MGMT: variants seen among roughly 807,000 people sequenced by gnomAD.
The protein encoded by MGMT is methylated-DNA--protein-cysteine methyltransferase.
A neutral mutation model predicts 15.9 loss-of-function variants in MGMT; 14 were observed. The ratio of observed to expected loss-of-function variants is 0.88; its 90% CI spans 0.58 to 1.37. The LOEUF (loss-of-function observed/expected upper bound fraction) is 1.37, where lower values mean the gene tolerates loss of function less well. MGMT is among the 40% of genes most tolerant of loss of function. MGMT has a pLI of 0.00. For synonymous variants in MGMT, 130 were observed against 118.2 expected, an observed-to-expected ratio of 1.10 and a Z score of -0.65; for missense variants, 282 against 268.1, an observed-to-expected ratio of 1.05 and a Z score of -0.36.
At position 129,770,804 on chromosome 10, in the gene MGMT, CCT is replaced by C. The variant is rs1166388127; in HGVS notation, c.*3808_*3809del. Reference sequence around the variant, plus strand: ...GCTGCTGGGATGTCCTCGGGCCTCCCCTGTTTGTCTGCATGTCTTCTTGTTGC... The same window carrying C: ...GCTGCTGGGATGTCCTCGGGCCTCCCGTTTGTCTGCATGTCTTCTTGTTGC... On this transcript the variant is annotated 3_prime_UTR_variant, in exon 5 of 5. Coordinates refer to ENST00000651593, the MANE Select transcript of MGMT (RefSeq NM_002412.5). 1.3e-5 allele frequency among the ~76,000 whole-genome samples: 2 copies of C among 152,116 alleles called. No homozygotes were observed. Among genetic ancestry groups the C allele is most frequent in the Non-Finnish European group, 2.9e-5 (2 of 68,032 alleles).
intron 2 of MGMT, among the ~76,000 whole-genome samples, chr10:129,655,232 C>T (rs779649376): frequency 2.0e-5 from 3 of 152,224 alleles, no homozygotes; most frequent in East Asian, 3.9e-4. Flanking sequence ...TGCGCACTGC[C>T]GTGGTTTCCT....
intron 2 of MGMT, among the ~76,000 whole-genome samples, chr10:129,671,430 CT>C (rs34055523): frequency 0.19 from 27,639 of 146,930 alleles, 2,704 homozygotes; most frequent in Admixed American, 0.24. Flanking sequence ...GGCTGGACAT[CT>C]TTTTTTTTTT....
chr10:129,703,707 T>A (rs1848125473), intron 2 of MGMT, among the ~76,000 whole-genome samples: 1 of 152,106 alleles, frequency 6.6e-6, no homozygotes. Context: ...GCCCAAATCC[T>A]GCAGCCCCAG....
At chr10:129,492,077 C>T (rs987854299) in intron 1 of MGMT, among the ~76,000 whole-genome samples, 3 of 152,116 alleles carry the variant, frequency 2.0e-5, no homozygotes, top group Admixed American at 2.0e-4. Flanking sequence ...TGTTTTTCAT[C>T]AAAGCAAAAG....
chr10:129,527,356 C>T (rs1005322813), intron 1 of MGMT, among the ~76,000 whole-genome samples: 3 of 152,188 alleles, frequency 2.0e-5, no homozygotes, highest in Non-Finnish European at 4.4e-5. Context: ...GGGTCTTCCA[C>T]GTCGCTGTTT....
At chr10:129,732,113 A>G (rs986736910) in intron 3 of MGMT, among the ~76,000 whole-genome samples, 2 of 152,066 alleles carry the variant, frequency 1.3e-5, no homozygotes, top group African/African-American at 2.4e-5. Flanking sequence ...TTACTCTAAA[A>G]TATTACTCAC....
chr10:129,596,374 A>G (rs1846751468), intron 2 of MGMT, among the ~76,000 whole-genome samples: 2 of 152,212 alleles, frequency 1.3e-5, no homozygotes, highest in Admixed American at 1.3e-4. Context: ...TTGTTTATAA[A>G]TACAGTGAAA....
At chr10:129,608,257 C>T (rs1846916246) in intron 2 of MGMT, among the ~76,000 whole-genome samples, 1 of 152,192 alleles carries the variant, frequency 6.6e-6, no homozygotes, top group Non-Finnish European at 1.5e-5. Context: ...CAGAAGAATG[C>T]GTAGCCCGGA....
intron 2 of MGMT, among the ~76,000 whole-genome samples, chr10:129,544,045 C>G (rs544538716): frequency 1.9e-4 from 16 of 82,400 alleles, no homozygotes; most frequent in African/African-American, 8.4e-4. Context: ...CCTTAAATCC[C>G]CTGCTCTTAA....
At chr10:129,515,333 A>T (rs1845727137) in intron 1 of MGMT, among the ~76,000 whole-genome samples, 1 of 151,940 alleles carries the variant, frequency 6.6e-6, no homozygotes, top group African/African-American at 2.4e-5. Flanking sequence ...CACAGGGCGG[A>T]GTGTGGGGTT....
At position 129,724,288 on chromosome 10, in the gene MGMT, A is replaced by G. The variant is rs116109995; in HGVS notation, c.274+16245A>G. ...ATGCTGAGCTTAAGGAGCCGGACACAGCAAGAGCCTGCCTCTGATTATATT... is the reference window on the plus strand; with the variant it reads ...ATGCTGAGCTTAAGGAGCCGGACACGGCAAGAGCCTGCCTCTGATTATATT... On this transcript the variant is annotated intron_variant, in intron 3 of 4. Transcript: ENST00000651593. Among the ~76,000 whole-genome samples the G allele has an allele frequency of 6.4e-3, 968 of 152,330 alleles. 7 individuals carry two copies. The highest frequency in any genetic ancestry group is 0.023 in the African/African-American group (937 of 41,566).
At chr10:129,752,298 T>TC (rs1362597363) in intron 3 of MGMT, among the ~76,000 whole-genome samples, 1 of 151,820 alleles carries the variant, frequency 6.6e-6, no homozygotes, top group Non-Finnish European at 1.5e-5. Context: ...TTTTATTAAT[T>TC]TTTTTTTACA....
At chr10:129,652,243 A>T (rs954248106) in intron 2 of MGMT, among the ~76,000 whole-genome samples, 3 of 152,232 alleles carry the variant, frequency 2.0e-5, no homozygotes, top group African/African-American at 7.2e-5. Context: ...CTCCTCTCCC[A>T]GCCAGGCTTC....
chr10:129,683,210 CTG>C lies in MGMT; in HGVS notation c.126-24682_126-24681del, dbSNP rs199562931. ...GCAGGGAATGGCGTTGGCTTTGCTGCTGTGAGTCTTGGAAAACCCATTTCCAG... is the reference window on the plus strand; with the variant it reads ...GCAGGGAATGGCGTTGGCTTTGCTGCTGAGTCTTGGAAAACCCATTTCCAG... On this transcript the variant is annotated intron_variant, in intron 2 of 4. Coordinates refer to ENST00000651593, the MANE Select transcript of MGMT (RefSeq NM_002412.5). Among the ~76,000 whole-genome samples, 709 of 152,338 alleles carry C rather than the reference CTG, an allele frequency of 4.7e-3. 4 individuals are homozygous for C. Among genetic ancestry groups the C allele is most frequent in the African/African-American group, 0.016 (649 of 41,576 alleles).
chr10:129,533,011 C>G lies in MGMT; in HGVS notation c.-12-3230C>G, dbSNP rs1323399565. Among the ~76,000 whole-genome samples the G allele has an allele frequency of 6.6e-6, 1 of 152,232 alleles. No homozygotes were observed. Among genetic ancestry groups the G allele is most frequent in the Non-Finnish European group, 1.5e-5 (1 of 68,038 alleles). On this transcript the variant is annotated intron_variant, in intron 1 of 4. Transcript: ENST00000651593. This position sits in a 1 kb window ranked among gnomAD's most constrained non-coding sequence, Gnocchi z 4.5. ...AGGCGTCAGCACCAGGGCTGGGCTCCTGCCTGGGACTCGAATCGGGAGCAG... is the reference window on the plus strand; with the variant it reads ...AGGCGTCAGCACCAGGGCTGGGCTCGTGCCTGGGACTCGAATCGGGAGCAG...
chr10:129,732,174 C>T (rs2133163375), intron 3 of MGMT, among the ~76,000 whole-genome samples: 1 of 151,972 alleles, frequency 6.6e-6, no homozygotes, highest in East Asian at 1.9e-4. Context: ...TTTTATTATA[C>T]TTTAAGTTCT....
intron 2 of MGMT, among the ~76,000 whole-genome samples, chr10:129,642,121 G>A (rs1313841236): frequency 1.3e-5 from 2 of 152,054 alleles, no homozygotes; most frequent in African/African-American, 2.4e-5. Context: ...CATCCCCTCC[G>A]CTCAGTGGGC....
At chr10:129,661,142 G>C (rs1847592588) in intron 2 of MGMT, among the ~76,000 whole-genome samples, 1 of 151,912 alleles carries the variant, frequency 6.6e-6, no homozygotes, top group Admixed American at 6.6e-5. Context: ...TTCCGCAGCT[G>C]GTTCTGTATT....
intron 3 of MGMT, among the ~76,000 whole-genome samples, chr10:129,708,572 A>G (rs1254987779): frequency 1.3e-5 from 2 of 152,200 alleles, no homozygotes; most frequent in Admixed American, 1.3e-4. Context: ...ACTTACCTGT[A>G]TGTAGCCTGC....
Sources: gnomAD v4.1 joint callset for allele counts (sites outside exome capture counted in the v4.1 genomes callset) on GRCh38, gnomAD v4.1.1 for gene constraint, Gnocchi (gnomAD v3.1) non-coding constraint, MANE v1.5 for transcripts, NCBI Gene and HGNC (gene_info 2026-07-23, HGNC 2026-07-21) for gene names.